HMBOX1: variants seen among roughly 807,000 people sequenced by gnomAD.
The protein encoded by HMBOX1 is homeobox containing 1, also known as homeobox-containing protein 1.
In HMBOX1, 14 loss-of-function variants were observed where a neutral mutation model predicts 54.5. The observed-to-expected ratio is 0.26, with a 90% CI of 0.17 to 0.40. HMBOX1 has a LOEUF of 0.40. HMBOX1 is among the 10% of genes least tolerant of loss of function. HMBOX1 has a pLI of 1.00. For synonymous variants in HMBOX1, 160 were observed against 181.0 expected (o/e 0.88, Z 0.93); for missense variants, 332 against 514.4 (o/e 0.65, Z 3.43).
At chr8:28,946,251 C>T (rs1458496027) in intron 1 of HMBOX1, among the ~76,000 whole-genome samples, 1 of 151,990 alleles carries the variant, frequency 6.6e-6, no homozygotes. Context: ...CCGTGCCCGG[C>T]CCATAGGGGA....
At chr8:29,017,581 A>G (rs185271533) in intron 5 of HMBOX1, among the ~76,000 whole-genome samples, 2 of 152,234 alleles carry the variant, frequency 1.3e-5, no homozygotes, top group African/African-American at 4.8e-5. Context: ...TATAGGTGGG[A>G]TAATTAGAGA....
At chr8:28,939,649 A>G (rs1340502813) in intron 1 of HMBOX1, among the ~76,000 whole-genome samples, 1 of 151,484 alleles carries the variant, frequency 6.6e-6, no homozygotes, top group African/African-American at 2.4e-5. Context: ...AGCTGGGACT[A>G]CAGGCACCCA....
At chr8:28,939,953 C>T (rs1333301068) in intron 1 of HMBOX1, among the ~76,000 whole-genome samples, 3 of 152,114 alleles carry the variant, frequency 2.0e-5, no homozygotes, top group Non-Finnish European at 4.4e-5. Context: ...GCATGATGTT[C>T]CCTTTGCTTC....
At chr8:28,952,808 A>G (rs1823722885) in intron 1 of HMBOX1, among the ~76,000 whole-genome samples, 1 of 152,236 alleles carries the variant, frequency 6.6e-6, no homozygotes, top group Admixed American at 6.5e-5. Context: ...ATTCTTTTGG[A>G]ATAAAAATAT....
intron 1 of HMBOX1, among the ~76,000 whole-genome samples, chr8:28,943,865 C>T (rs1414531959): frequency 2.6e-5 from 4 of 152,146 alleles, no homozygotes; most frequent in Non-Finnish European, 1.5e-5. Context: ...GTGACAGATG[C>T]TGCACTTCTT....
chr8:28,914,174 G>A (rs1219784267), intron 1 of HMBOX1, among the ~76,000 whole-genome samples: 1 of 152,008 alleles, frequency 6.6e-6, no homozygotes, highest in Non-Finnish European at 1.5e-5. Flanking sequence ...GGCCTGATCT[G>A]TTTTAAAAAG....
At chr8:28,929,476 C>T (rs532117078) in intron 1 of HMBOX1, among the ~76,000 whole-genome samples, 2 of 152,032 alleles carry the variant, frequency 1.3e-5, no homozygotes, top group Admixed American at 1.3e-4. Flanking sequence ...ATGACAAATG[C>T]CAGAAATATT....
At chr8:29,033,714 A>C (rs1272065389) in intron 6 of HMBOX1, among the ~76,000 whole-genome samples, 1 of 152,156 alleles carries the variant, frequency 6.6e-6, no homozygotes, top group Admixed American at 6.5e-5. Context: ...TCTAGTCCCC[A>C]AGCCAATTAA....
intron 1 of HMBOX1, among the ~76,000 whole-genome samples, chr8:28,894,153 T>A (rs1324740203): frequency 1.3e-5 from 2 of 152,258 alleles, no homozygotes; most frequent in African/African-American, 4.8e-5. Context: ...TTTGGCTAGA[T>A]TTTTCTGTTA....
intron 4 of HMBOX1, among the ~76,000 whole-genome samples, chr8:28,999,823 AT>A (rs1225396853): frequency 1.3e-5 from 2 of 151,632 alleles, no homozygotes; most frequent in Non-Finnish European, 2.9e-5. Context: ...GTTTCTTTTA[AT>A]TCTTTTAGTC....
intron 1 of HMBOX1, among the ~76,000 whole-genome samples, chr8:28,928,416 A>G (rs991669951): frequency 6.6e-6 from 1 of 152,200 alleles, no homozygotes; most frequent in Admixed American, 6.5e-5. Flanking sequence ...TTGGGAATGC[A>G]AATTGTTACA....
chr8:29,035,678 C>T (rs539275102), intron 6 of HMBOX1, among the ~76,000 whole-genome samples: 1 of 152,308 alleles, frequency 6.6e-6, no homozygotes, highest in Admixed American at 6.5e-5. Context: ...CATTAGGAAA[C>T]TAGGAAATCC....
In HMBOX1 at chr8:28,970,172, C is replaced by T. The variant is rs145379672; in HGVS notation, c.153C>T (p.Asp51=). Residue 51 remains aspartate, a synonymous_variant, in exon 3 of 10, where the codon GAC becomes GAT. Transcript: ENST00000287701. The surrounding 1 kb of genome is among the most constrained non-coding windows in gnomAD (Gnocchi z 4.3). The part of the protein sequence containing the change: ...HEILHALETL[D]RLDQEHSDKF... ...TTCTCCATGCCTTGGAAACTTTGGA[C>T]CGTCTTGATCAAGAGCATAGTGACA... 2,544 of 1,614,102 alleles carry T rather than the reference C, an allele frequency of 1.6e-3. 7 individuals are homozygous for T. Among genetic ancestry groups the T allele is most frequent in the Non-Finnish European group, 2.0e-3 (2,380 of 1,179,998 alleles).
chr8:28,900,267 A>ATATAT (rs1243910972), intron 1 of HMBOX1, among the ~76,000 whole-genome samples: 353 of 54,474 alleles, frequency 6.5e-3, no homozygotes, highest in Middle Eastern at 0.029. Flanking sequence ...AAAAAAAAAA[A>ATATAT]AAAAATATAT....
At chr8:29,039,832 C>T (rs1804566905) in intron 6 of HMBOX1, among the ~76,000 whole-genome samples, 1 of 151,908 alleles carries the variant, frequency 6.6e-6, no homozygotes, top group African/African-American at 2.4e-5. Flanking sequence ...ATTTATTGTC[C>T]AAAGCAGGAC....
intron 4 of HMBOX1, among the ~76,000 whole-genome samples, chr8:28,982,120 C>A (rs994651384): frequency 6.6e-6 from 1 of 152,146 alleles, no homozygotes; most frequent in African/African-American, 2.4e-5. Flanking sequence ...GTAGTCCCAG[C>A]TACTCGGGAG....
intron 4 of HMBOX1, among the ~76,000 whole-genome samples, chr8:29,002,715 A>G (rs1232915365): frequency 6.6e-6 from 1 of 152,176 alleles, no homozygotes; most frequent in African/African-American, 2.4e-5. Context: ...CTCCAGTTTA[A>G]AAAAAATCCT....
intron 1 of HMBOX1, among the ~76,000 whole-genome samples, chr8:28,938,113 A>C (rs1820713351): frequency 6.6e-6 from 1 of 152,206 alleles, no homozygotes; most frequent in South Asian, 2.1e-4. Context: ...TCCATGTTTC[A>C]GATAACAGAC....
intron 4 of HMBOX1, among the ~76,000 whole-genome samples, chr8:29,005,301 A>G (rs957535119): frequency 1.3e-5 from 2 of 152,198 alleles, no homozygotes; most frequent in Non-Finnish European, 1.5e-5. Flanking sequence ...TTAGGGTGAA[A>G]AGCCAAAAAT....
Sources: allele counts gnomAD v4.1 joint callset (sites outside exome capture counted in the v4.1 genomes callset), GRCh38; gene constraint gnomAD v4.1.1; non-coding constraint Gnocchi (gnomAD v3.1); transcripts MANE v1.5; gene names NCBI Gene and HGNC (gene_info 2026-07-23, HGNC 2026-07-21).